PARPBP: variants seen among roughly 807,000 people sequenced by gnomAD.
The protein encoded by PARPBP is PCNA-interacting partner.
In PARPBP, 52 loss-of-function variants were observed where a neutral mutation model predicts 50.0. The ratio of observed to expected loss-of-function variants is 1.04; its 90% CI spans 0.83 to 1.31. PARPBP has a LOEUF of 1.31. Among genes scored for constraint, PARPBP ranks in the 50% most tolerant of loss-of-function variants. The probability of loss-of-function intolerance (pLI) is 0.00; values close to 1 mark genes in which losing one functional copy is unlikely to be tolerated. For synonymous variants in PARPBP, 244 were observed against 232.1 expected (o/e 1.05, Z -0.47); for missense variants, 697 against 672.0 (o/e 1.04, Z -0.41).
intron 2 of PARPBP, among the ~76,000 whole-genome samples, chr12:102,127,893 A>G (rs1486370310): frequency 2.0e-5 from 3 of 152,176 alleles, no homozygotes; most frequent in Admixed American, 6.5e-5. Context: ...TTTAAAAAAA[A>G]TTAGTTTTTT....
chr12:102,189,202 G>A (rs1015203587), intron 9 of PARPBP, among the ~76,000 whole-genome samples: 1 of 152,202 alleles, frequency 6.6e-6, no homozygotes, highest in African/African-American at 2.4e-5. Flanking sequence ...GACAAATGCA[G>A]GGTTTCCTTT....
chr12:102,137,615 A>G (rs1306095159), intron 2 of PARPBP, among the ~76,000 whole-genome samples: 1 of 151,732 alleles, frequency 6.6e-6, no homozygotes, highest in Non-Finnish European at 1.5e-5. Context: ...TTAACTCGTC[A>G]TTTACATTAG....
In PARPBP at chr12:102,196,247, T is replaced by G. The variant is rs1396165735; in HGVS notation, c.1696T>G (p.Leu566Val). The part of the protein sequence containing the change: ...KSNKCTAKDK[L>V]ISGQAKLTQF... ...TAATAAATGTACTGCCAAGGACAAGTTGATTTCTGGCCAGGCAAAGTTAAC... is the reference window on the plus strand; with the variant it reads ...TAATAAATGTACTGCCAAGGACAAGGTGATTTCTGGCCAGGCAAAGTTAAC... Residue 566 changes from leucine (L) to valine (V), a missense_variant, in exon 11 of 11, where the codon TTG (leucine) becomes GTG (valine). Transcript: ENST00000327680. 5 of 1,600,930 alleles carry G rather than the reference T, an allele frequency of 3.1e-6. No homozygotes were observed. In the East Asian group the frequency reaches 8.9e-5, roughly 29 times the overall value.
chr12:102,167,980 A>T (rs1888319212), intron 6 of PARPBP, among the ~76,000 whole-genome samples: 1 of 151,896 alleles, frequency 6.6e-6, no homozygotes, highest in Non-Finnish European at 1.5e-5. Flanking sequence ...TTAATTTCTG[A>T]GTTTGCTTCT....
chr12:102,174,971 C>T (rs1889113050), intron 6 of PARPBP, among the ~76,000 whole-genome samples: 1 of 152,192 alleles, frequency 6.6e-6, no homozygotes, highest in South Asian at 2.1e-4. Context: ...CAGTTTCCTT[C>T]CTCCCTGTCT....
At chr12:102,153,581 A>G (rs183009128) in intron 3 of PARPBP, among the ~76,000 whole-genome samples, 8 of 152,316 alleles carry the variant, frequency 5.3e-5, no homozygotes, top group African/African-American at 1.4e-4. Flanking sequence ...GGCTCCAGCA[A>G]TCCACCTGCT....
At chr12:102,128,200 A>G (rs540476482) in intron 2 of PARPBP, among the ~76,000 whole-genome samples, 2 of 151,990 alleles carry the variant, frequency 1.3e-5, no homozygotes, top group East Asian at 3.9e-4. Flanking sequence ...CACATCCCCT[A>G]GTAACCATCA....
At chr12:102,186,965 T>A (rs547392882) in intron 9 of PARPBP, among the ~76,000 whole-genome samples, 1 of 152,314 alleles carries the variant, frequency 6.6e-6, no homozygotes, top group Admixed American at 6.5e-5. Context: ...TATTAACAAA[T>A]TCTTTTATTT....
At chr12:102,157,989 G>A (rs746246960) in intron 4 of PARPBP, among the ~76,000 whole-genome samples, 1 of 151,728 alleles carries the variant, frequency 6.6e-6, no homozygotes, top group Non-Finnish European at 1.5e-5. Context: ...GTGTAATGGT[G>A]GGCGCCTGTA....
At chr12:102,152,206 C>T (rs912029883) in intron 3 of PARPBP, among the ~76,000 whole-genome samples, 2 of 152,106 alleles carry the variant, frequency 1.3e-5, no homozygotes, top group South Asian at 2.1e-4. Context: ...AAGGGCAGCC[C>T]CTGTTCGAAA....
Position 102,194,040 on chromosome 12 carries a change from C to T in PARPBP, c.1264-1272C>T, listed in dbSNP as rs1891040360. On this transcript the variant is annotated intron_variant, in intron 9 of 10. Coordinates refer to ENST00000327680, the MANE Select transcript of PARPBP (RefSeq NM_017915.5). ...GGAGACTGTCACAGACCTCATTAGTCAGAAAGATAGAAAATTTGTCATCCT... is the reference window on the plus strand; with the variant it reads ...GGAGACTGTCACAGACCTCATTAGTTAGAAAGATAGAAAATTTGTCATCCT... Among the ~76,000 whole-genome samples, 4 of 152,024 alleles carry T rather than the reference C, an allele frequency of 2.6e-5. No individual in the cohort carries two copies. The South Asian group carries it at 8.3e-4, about 32-fold the overall frequency.
At chr12:102,144,770 T>C (rs1264946410) in intron 2 of PARPBP, among the ~76,000 whole-genome samples, 1 of 152,196 alleles carries the variant, frequency 6.6e-6, no homozygotes, top group Non-Finnish European at 1.5e-5. Context: ...TAACTGGATT[T>C]ATTTAATTTA....
intron 4 of PARPBP, among the ~76,000 whole-genome samples, chr12:102,161,719 A>G (rs1363612284): frequency 6.6e-6 from 1 of 152,108 alleles, no homozygotes; most frequent in Non-Finnish European, 1.5e-5. Context: ...CCAGGAGTTC[A>G]AGATTAGGCT....
chr12:102,186,365 A>G (rs1226013637), intron 9 of PARPBP, among the ~76,000 whole-genome samples: 1 of 149,976 alleles, frequency 6.7e-6, no homozygotes, highest in East Asian at 2.0e-4. Flanking sequence ...ACTAATTTTG[A>G]TTTTGGTTTA....
intron 4 of PARPBP, among the ~76,000 whole-genome samples, chr12:102,159,691 A>G (rs1210607125): frequency 1.4e-5 from 2 of 140,780 alleles, no homozygotes; most frequent in African/African-American, 5.3e-5. Context: ...GAAAATCATC[A>G]GTTAAAAAAA....
chr12:102,141,836 C>T (rs1024690150), intron 2 of PARPBP, among the ~76,000 whole-genome samples: 1 of 152,162 alleles, frequency 6.6e-6, no homozygotes, highest in African/African-American at 2.4e-5. Flanking sequence ...TGGCTTGTAG[C>T]GTTTCTGCCG....
At position 102,196,304 on chromosome 12, in the gene PARPBP, T is replaced by C; in HGVS notation, c.*13T>C. ...TTTTAGACTATAAATTTGTGTCTTA[T>C]ATGCTTTAGGTTTATGTATCTATAA... On this transcript the variant is annotated 3_prime_UTR_variant, in exon 11 of 11. Transcript: ENST00000327680. The C allele has an allele frequency of 4.0e-6, 6 of 1,507,910 alleles. No individual in the cohort carries two copies. The South Asian group carries it at 6.4e-5, about 16-fold the overall frequency. The allele number at this position is 1,507,910 out of a possible 1,614,324, so 93.4% of individuals were successfully genotyped here.
chr12:102,189,188 G>A, intron 9 of PARPBP, among the ~76,000 whole-genome samples: 1 of 152,176 alleles, frequency 6.6e-6, no homozygotes, highest in East Asian at 1.9e-4. Context: ...TAGAAGAGAG[G>A]GTGGACAAAT....
intron 7 of PARPBP, among the ~76,000 whole-genome samples, chr12:102,177,164 A>G (rs73384881): frequency 1.3e-3 from 192 of 152,354 alleles, no homozygotes; most frequent in African/African-American, 3.9e-3. Flanking sequence ...GCAATTTGTT[A>G]TAATTCCAGT....
Sources: allele counts gnomAD v4.1 joint callset (sites outside exome capture counted in the v4.1 genomes callset), GRCh38; gene constraint gnomAD v4.1.1; transcripts MANE v1.5; gene names NCBI Gene and HGNC (gene_info 2026-07-23, HGNC 2026-07-21).